The following PTPRN2 variants were observed in gnomAD, a reference collection of about 807,000 sequenced individuals.
PTPRN2 encodes receptor-type tyrosine-protein phosphatase N2.
Under a neutral mutation model 118.8 loss-of-function variants are expected in PTPRN2, and 74 were observed. The observed-to-expected ratio is 0.62, with a 90% CI of 0.52 to 0.76. PTPRN2 has a LOEUF of 0.76. Among genes scored for constraint, PTPRN2 ranks in the 30% least tolerant of loss-of-function variants. The probability of loss-of-function intolerance (pLI) is 0.00; values close to 1 mark genes in which losing one functional copy is unlikely to be tolerated. For missense variants in PTPRN2, 1,481 were observed against 1,394.4 expected (o/e 1.06, Z -0.99); for synonymous variants, 641 against 608.0 (o/e 1.05, Z -0.80).
At chr7:158,385,997 C>T (rs1811316179) in intron 2 of PTPRN2, among the ~76,000 whole-genome samples, 1 of 139,726 alleles carries the variant, frequency 7.2e-6, no homozygotes, top group Admixed American at 7.1e-5. Flanking sequence ...TGCCCTGAGT[C>T]CCTCCTCCCG....
intron 3 of PTPRN2, among the ~76,000 whole-genome samples, chr7:158,256,865 C>T: frequency 6.6e-6 from 1 of 152,144 alleles, no homozygotes; most frequent in East Asian, 1.9e-4. Flanking sequence ...ATAATCAAAT[C>T]TATCTATAAC....
At chr7:158,071,282 G>GGTGGTGGAGGTGCTC in intron 11 of PTPRN2, among the ~76,000 whole-genome samples, 1 of 58,092 alleles carries the variant, frequency 1.7e-5, no homozygotes, top group Non-Finnish European at 3.0e-5. Flanking sequence ...AGGTGCCCGT[G>GGTGGTGGAGGTGCTC]GTGGTGGAGG....
At chr7:157,796,985 G>A (rs996336621) in intron 12 of PTPRN2, among the ~76,000 whole-genome samples, 3 of 152,190 alleles carry the variant, frequency 2.0e-5, no homozygotes, top group African/African-American at 7.2e-5. Flanking sequence ...AGAGTGATCT[G>A]CCTCGAGTTC....
chr7:158,316,899 G>T lies in PTPRN2; in HGVS notation c.197C>A (p.Ala66Glu). The change falls in exon 3 of 23, where the codon GCA becomes GAA. Residue 66 changes from alanine (A) to glutamate (E), a missense_variant. Ala to Glu is a moderately radical substitution (Grantham distance 107). Transcript: ENST00000389418. ...CACCTCGTAGCGGTAAAAGTCCATT[G>T]CCGGAACCTTCTGGCACCTTCCAAA... ...GVFGRCQKVP[A>E]MDFYRYEVSP... 1.2e-6 allele frequency: 2 copies of T among 1,612,874 alleles called. No homozygotes were observed. The highest frequency in any genetic ancestry group is 1.7e-6 in the Non-Finnish European group (2 of 1,179,956).
chr7:158,127,755 G>C (rs113551404), intron 9 of PTPRN2, among the ~76,000 whole-genome samples: 2,507 of 152,236 alleles, frequency 0.016, 57 homozygotes, highest in African/African-American at 0.05. Flanking sequence ...GATTTAGAAG[G>C]CAGGTTCCTC....
intron 6 of PTPRN2, 141 bp downstream of exon 6, chr7:158,166,790 G>A (rs1053714605): frequency 2.7e-6 from 3 of 1,127,736 alleles, no homozygotes; most frequent in Admixed American, 3.5e-5. Context: ...TCCCTACATG[G>A]TGCCCCATTC....
At chr7:158,094,259 G>C (rs750113987) in intron 10 of PTPRN2, among the ~76,000 whole-genome samples, 1 of 152,154 alleles carries the variant, frequency 6.6e-6, no homozygotes, top group Non-Finnish European at 1.5e-5. Context: ...GCAGCAGAAC[G>C]CTCGCCATTC....
Position 158,001,228 on chromosome 7 carries a change from G to T in PTPRN2, c.1723+80070C>A, listed in dbSNP as rs145549177. On this transcript the variant is annotated intron_variant, in intron 11 of 22. Transcript: ENST00000389418. ...CAGGCGGGGTGAAGGGTGGGGGCTG[G>T]GATCTGGCCGTAGGTGGGGTACAGG... 2.0e-3 allele frequency among the ~76,000 whole-genome samples: 303 copies of T among 151,366 alleles called. 7 individuals are homozygous for T. The East Asian group carries it at 0.053, about 27-fold the overall frequency.
At chr7:157,946,036 T>C (rs937711560) in intron 11 of PTPRN2, among the ~76,000 whole-genome samples, 1 of 152,268 alleles carries the variant, frequency 6.6e-6, no homozygotes, top group Middle Eastern at 3.4e-3. Context: ...TGGCTAAAGA[T>C]TCCTAATCTG....
chr7:157,661,024 G>T (rs1037862322), intron 13 of PTPRN2, among the ~76,000 whole-genome samples: 1 of 152,240 alleles, frequency 6.6e-6, no homozygotes. Flanking sequence ...AAAGTGTTGG[G>T]ATTACAGGCG....
At chr7:157,816,601 TC>T (rs1198753539) in intron 12 of PTPRN2, among the ~76,000 whole-genome samples, 1 of 152,208 alleles carries the variant, frequency 6.6e-6, no homozygotes, top group Non-Finnish European at 1.5e-5. Context: ...ACTGCCTGTC[TC>T]CAGGAGGGGC....
chr7:158,345,207 T>G (rs542429673), intron 2 of PTPRN2, among the ~76,000 whole-genome samples: 2 of 152,272 alleles, frequency 1.3e-5, no homozygotes, highest in African/African-American at 4.8e-5. Context: ...CAGCAGAGCC[T>G]TGAAACTAAA....
chr7:158,164,639 C>G (rs4610688), intron 6 of PTPRN2, among the ~76,000 whole-genome samples: 96,123 of 151,180 alleles, frequency 0.64, 31,267 homozygotes, highest in East Asian at 0.79. Flanking sequence ...TTCCCTCCCT[C>G]TGATGGGGGC....
chr7:157,811,990 T>C (rs1242713557), intron 12 of PTPRN2, among the ~76,000 whole-genome samples: 1 of 152,150 alleles, frequency 6.6e-6, no homozygotes, highest in Non-Finnish European at 1.5e-5. Context: ...ACTTAAGACA[T>C]GGCTCAGTGA....
intron 12 of PTPRN2, among the ~76,000 whole-genome samples, chr7:157,887,793 C>T (rs961981243): frequency 1.0e-5 from 1 of 96,274 alleles, no homozygotes; most frequent in African/African-American, 4.3e-5. Context: ...GTACTCGCTT[C>T]CCCAAGTACC....
intron 9 of PTPRN2, among the ~76,000 whole-genome samples, chr7:158,112,908 G>A (rs748419391): frequency 4.6e-5 from 7 of 152,182 alleles, no homozygotes; most frequent in South Asian, 2.1e-4. Context: ...TGCCGAGACC[G>A]GGGAGCTGTA....
intron 1 of PTPRN2, among the ~76,000 whole-genome samples, chr7:158,492,950 T>G (rs2129445642): frequency 6.6e-6 from 1 of 152,330 alleles, no homozygotes; most frequent in African/African-American, 2.4e-5. Flanking sequence ...CCAGATGTCA[T>G]TCTGAGGCCA....
At chr7:157,687,914 G>T (rs949401553) in intron 12 of PTPRN2, among the ~76,000 whole-genome samples, 5 of 152,176 alleles carry the variant, frequency 3.3e-5, no homozygotes, top group Non-Finnish European at 7.3e-5. Flanking sequence ...AATGAGAGAA[G>T]TCAGGCGGAA....
At chr7:158,358,928 T>C (rs754596358) in intron 2 of PTPRN2, among the ~76,000 whole-genome samples, 1 of 152,186 alleles carries the variant, frequency 6.6e-6, no homozygotes, top group Admixed American at 6.5e-5. Flanking sequence ...GTTAAAATGG[T>C]CATTCTTATG....
Sources: gnomAD v4.1 joint callset for allele counts (sites outside exome capture counted in the v4.1 genomes callset) on GRCh38, gnomAD v4.1.1 for gene constraint, MANE v1.5 for transcripts, NCBI Gene and HGNC (gene_info 2026-07-23, HGNC 2026-07-21) for gene names.